The following KIAA0586 variants were observed in gnomAD, a reference collection of about 807,000 sequenced individuals.
KIAA0586 encodes the protein KIAA0586.
In KIAA0586, 144 loss-of-function variants were observed where a neutral mutation model predicts 169.8. That is an observed-to-expected ratio of 0.85 (90% CI 0.74 to 0.97). The LOEUF (loss-of-function observed/expected upper bound fraction) is 0.97, where lower values mean the gene tolerates loss of function less well. Among genes scored for constraint, KIAA0586 ranks in the 50% least tolerant of loss-of-function variants. KIAA0586 has a pLI of 0.00. For synonymous variants in KIAA0586, 625 were observed against 612.4 expected (o/e 1.02, Z -0.30); for missense variants, 1,854 against 1,823.0 (o/e 1.02, Z -0.31).
intron 29 of KIAA0586, among the ~76,000 whole-genome samples, chr14:58,535,722 A>G (rs1316324151): frequency 6.7e-6 from 1 of 148,460 alleles, no homozygotes; most frequent in African/African-American, 2.5e-5. Flanking sequence ...TTTTTAGTGA[A>G]CTCAAATTAG....
chr14:58,461,030 G>A lies in KIAA0586; in HGVS notation c.1929G>A (p.Met643Ile). The A allele has an allele frequency of 6.2e-7, 1 of 1,611,388 alleles. No individual in the cohort carries two copies. Among genetic ancestry groups the A allele is most frequent in the Non-Finnish European group, 8.5e-7 (1 of 1,178,998 alleles). Reference protein sequence around the residue: ...ATTVIQDEDYMLQVYGKPVYQ... With the variant: ...ATTVIQDEDYILQVYGKPVYQ... ...CAGTAATACAAGATGAAGATTATAT[G>A]TTACAAGTCTATGGAAAGCCAGTTT... The change falls in exon 14 of 31, where the codon ATG becomes ATA. Residue 643 changes from methionine (M) to isoleucine (I), a missense_variant. Physicochemically the swap from Met to Ile is conservative, Grantham distance 10. Transcript: ENST00000652326.
rs191992930 is a variant in KIAA0586 at position 58,453,737 on chromosome 14, A to C, written c.1253+264A>C. Among the ~76,000 whole-genome samples, 3 of 152,266 alleles carry C rather than the reference A, an allele frequency of 2.0e-5. No homozygotes were observed. The East Asian group carries it at 5.8e-4, about 29-fold the overall frequency. The stretch of plus-strand genomic sequence containing the variant: ...TTAAATGATATCTAGGATTTGTTTC[A>C]AAAATAATCCAAGATAGGTTAGGGG... On this transcript the variant is annotated intron_variant, in intron 9 of 30. Transcript: ENST00000652326.
intron 9 of KIAA0586, 34 bp downstream of exon 9, chr14:58,453,507 G>A (rs2039573599): frequency 1.4e-6 from 2 of 1,423,722 alleles, no homozygotes; most frequent in African/African-American, 3.0e-5. Flanking sequence ...AAACTAGATT[G>A]AAAAGAGTTT....
At chr14:58,439,734 A>G in intron 4 of KIAA0586, 1 of 578,084 alleles carries the variant, frequency 1.7e-6, no homozygotes, top group African/African-American at 2.0e-5. Context: ...TTTGAGACTG[A>G]GAGAAAAATG....
chr14:58,457,645 G>C, intron 10 of KIAA0586, 114 bp from the exon 11 acceptor site: 1 of 622,350 alleles, frequency 1.6e-6, no homozygotes, highest in Non-Finnish European at 2.7e-6. Context: ...TTGACAAATT[G>C]AGTCCTTAGA....
intron 29 of KIAA0586, among the ~76,000 whole-genome samples, chr14:58,532,351 G>C (rs1306245743): frequency 2.6e-5 from 4 of 152,174 alleles, no homozygotes; most frequent in Non-Finnish European, 4.4e-5. Context: ...TAGGATGAAA[G>C]ATTTAATGGA....
intron 19 of KIAA0586, among the ~76,000 whole-genome samples, chr14:58,476,693 G>A (rs10130421): frequency 7.6e-6 from 1 of 130,926 alleles, no homozygotes; most frequent in Non-Finnish European, 1.6e-5. Context: ...TTTGAGACAG[G>A]GTCTCACTCT....
chr14:58,490,688 T>G (rs955268252), intron 25 of KIAA0586, among the ~76,000 whole-genome samples: 1 of 152,110 alleles, frequency 6.6e-6, no homozygotes, highest in African/African-American at 2.4e-5. Flanking sequence ...GTTAACCCTT[T>G]CTAGTTTTTA....
chr14:58,435,686 C>T (rs2037766999), intron 4 of KIAA0586, among the ~76,000 whole-genome samples: 1 of 152,090 alleles, frequency 6.6e-6, no homozygotes, highest in South Asian at 2.1e-4. Context: ...CCACAAACTT[C>T]TTTAAGAATA....
chr14:58,542,491 T>A lies in KIAA0586; in HGVS notation c.4495+2355T>A, dbSNP rs965843503. ...TACTCCGTCTCAAAAAAAAAAAAAA[T>A]TCCCAAAATATACATTAACAAATAC... is the stretch of plus-strand genomic sequence containing the variant. On this transcript the variant is annotated intron_variant, in intron 30 of 30. Transcript: ENST00000652326. 9.9e-5 allele frequency among the ~76,000 whole-genome samples: 15 copies of A among 151,262 alleles called. 1 individual carries two copies. The highest frequency in any genetic ancestry group is 3.6e-4 in the African/African-American group (15 of 41,212).
intron 28 of KIAA0586, 73 bp downstream of exon 28, chr14:58,508,782 G>A (rs747716044): frequency 1.5e-4 from 178 of 1,181,900 alleles, no homozygotes; most frequent in Middle Eastern, 4.1e-4. Context: ...GTGGTACCCC[G>A]TCAAGAGCCA....
At chr14:58,470,506 T>TA in intron 16 of KIAA0586, 107 bp from the exon 17 acceptor site, 1 of 460,160 alleles carries the variant, frequency 2.2e-6, no homozygotes. Flanking sequence ...GCTTTGTTTT[T>TA]ATGTATATGT....
At chr14:58,460,316 A>G (rs549046470) in intron 13 of KIAA0586, among the ~76,000 whole-genome samples, 4 of 152,138 alleles carry the variant, frequency 2.6e-5, no homozygotes, top group Non-Finnish European at 5.9e-5. Context: ...TAGTTATAGC[A>G]GGTATAAAGG....
At chr14:58,492,570 A>T (rs1474572221) in intron 26 of KIAA0586, among the ~76,000 whole-genome samples, 1 of 152,212 alleles carries the variant, frequency 6.6e-6, no homozygotes, top group Non-Finnish European at 1.5e-5. Context: ...GAAAAGATAC[A>T]AAGATAAGTA....
At chr14:58,542,474 C>G (rs1450118068) in intron 30 of KIAA0586, among the ~76,000 whole-genome samples, 1 of 149,170 alleles carries the variant, frequency 6.7e-6, no homozygotes, top group Non-Finnish European at 1.5e-5. Flanking sequence ...GATACTCCGT[C>G]TCAAAAAAAA....
chr14:58,453,047 A>T (rs1171549035), intron 8 of KIAA0586, among the ~76,000 whole-genome samples: 1 of 151,748 alleles, frequency 6.6e-6, no homozygotes, highest in Non-Finnish European at 1.5e-5. Flanking sequence ...CCTCCCAAGC[A>T]GCTGAGATTA....
At chr14:58,543,732 T>C (rs2046808688) in intron 30 of KIAA0586, 1 of 347,810 alleles carries the variant, frequency 2.9e-6, no homozygotes, top group South Asian at 2.3e-5. Flanking sequence ...AAGTACTAAG[T>C]CTCCATCCAA....
intron 4 of KIAA0586, among the ~76,000 whole-genome samples, chr14:58,434,643 CAT>C (rs1207414813): frequency 6.6e-6 from 1 of 152,126 alleles, no homozygotes; most frequent in African/African-American, 2.4e-5. Flanking sequence ...TATATTTTAT[CAT>C]ATGTTAAAAG....
rs561227880 is a variant in KIAA0586, at chr14:58,477,197, G to T, written c.2900G>T (p.Ser967Ile). The change falls in exon 20 of 31, where the codon AGT becomes ATT. Residue 967 changes from serine to isoleucine, a missense_variant. Coordinates refer to ENST00000652326, the MANE Select transcript of KIAA0586 (RefSeq NM_001329943.3). ...PVQQQIAPSI[S>I]VSVSETSEPL... The stretch of plus-strand genomic sequence containing the variant: ...CAGCAACAGATTGCACCTAGTATCA[G>T]TGTTTCAGTCAGTGAGACAAGTGAA... The T allele has an allele frequency of 2.8e-5, 45 of 1,581,064 alleles. No homozygotes were observed. In the South Asian group the frequency reaches 5.0e-4, roughly 17 times the overall value.
Sources: allele counts gnomAD v4.1 joint callset (sites outside exome capture counted in the v4.1 genomes callset), GRCh38; gene constraint gnomAD v4.1.1; transcripts MANE v1.5; gene names NCBI Gene and HGNC (gene_info 2026-07-23, HGNC 2026-07-21).